Variants in CCDC30 observed in about 807,000 individuals in gnomAD.
CCDC30 encodes the protein coiled-coil domain containing 30.
CCDC30 carries 70 observed loss-of-function variants against 100.2 expected under a neutral mutation model. The observed-to-expected ratio is 0.70, with a 90% CI of 0.58 to 0.85. CCDC30 has a LOEUF of 0.85. CCDC30 is among the 40% of genes least tolerant of loss of function. The probability of loss-of-function intolerance (pLI) is 0.00; values close to 1 mark genes in which losing one functional copy is unlikely to be tolerated. For missense variants in CCDC30, 652 were observed against 771.2 expected, an observed-to-expected ratio of 0.85 and a Z score of 1.83; for synonymous variants, 233 against 269.5, an observed-to-expected ratio of 0.86 and a Z score of 1.33.
intron 10 of CCDC30, among the ~76,000 whole-genome samples, chr1:42,603,477 A>G (rs1646444559): frequency 6.6e-6 from 1 of 152,236 alleles, no homozygotes; most frequent in Non-Finnish European, 1.5e-5. Flanking sequence ...ACAAAATCCA[A>G]CATCCATTCA....
intron 6 of CCDC30, among the ~76,000 whole-genome samples, chr1:42,504,756 T>C (rs1294942387): frequency 6.6e-6 from 1 of 152,208 alleles, no homozygotes; most frequent in African/African-American, 2.4e-5. Context: ...GTTTATGACA[T>C]GTTTAAACTT....
Position 42,517,349 on chromosome 1 carries a change from G to A in CCDC30, c.456+18433G>A, listed in dbSNP as rs150007055. On this transcript the variant is annotated intron_variant, in intron 6 of 16. Coordinates refer to ENST00000668663, the Ensembl canonical transcript of CCDC30. ...CCTCCCACCTTGGCCTCCCAAAGTG[G>A]TAGGATTACAGGTGTGAGCCACCAC... Among the ~76,000 whole-genome samples, 72 of 152,276 alleles carry A rather than the reference G, an allele frequency of 4.7e-4. 1 individual carries two copies. In the East Asian group the frequency reaches 6.0e-3, roughly 13 times the overall value.
At chr1:42,650,968 T>C (rs1275260388) in intron 15 of CCDC30, among the ~76,000 whole-genome samples, 2 of 152,046 alleles carry the variant, frequency 1.3e-5, no homozygotes, top group Non-Finnish European at 2.9e-5. Context: ...AAAATGACAT[T>C]GAGAAAAGGA....
At chr1:42,604,661 G>T (rs1324793529) in intron 10 of CCDC30, among the ~76,000 whole-genome samples, 3 of 152,144 alleles carry the variant, frequency 2.0e-5, no homozygotes, top group Admixed American at 1.3e-4. Flanking sequence ...TCACTGTACT[G>T]CTGTTCGCCA....
At position 42,556,152 on chromosome 1, in the gene CCDC30, C is replaced by T; in HGVS notation, c.457-10144C>T. ...ATAGATTTTATTCTTATATTTGCACCAAGTCCCAAATTAGGAGAAAGAAAG... is the reference window on the plus strand; with the variant it reads ...ATAGATTTTATTCTTATATTTGCACTAAGTCCCAAATTAGGAGAAAGAAAG... On this transcript the variant is annotated intron_variant, in intron 6 of 16. Transcript: ENST00000668663. 1 of 1,602,910 alleles carries T rather than the reference C, an allele frequency of 6.2e-7. No individual in the cohort carries two copies. Among genetic ancestry groups the T allele is most frequent in the Non-Finnish European group, 8.5e-7 (1 of 1,176,962 alleles).
chr1:42,508,642 TG>T (rs1365005320), intron 6 of CCDC30, among the ~76,000 whole-genome samples: 2 of 152,166 alleles, frequency 1.3e-5, no homozygotes, highest in African/African-American at 2.4e-5. Flanking sequence ...TGGGGTTTCA[TG>T]AGGGAAACAG....
chr1:42,625,805 A>G (rs868635960), intron 11 of CCDC30, among the ~76,000 whole-genome samples: 2 of 152,104 alleles, frequency 1.3e-5, no homozygotes, highest in Non-Finnish European at 1.5e-5. Context: ...ACATATACTG[A>G]GGAGAAGAAG....
intron 6 of CCDC30, among the ~76,000 whole-genome samples, chr1:42,540,203 TC>T (rs1644984863): frequency 6.6e-6 from 1 of 152,194 alleles, no homozygotes; most frequent in Non-Finnish European, 1.5e-5. Context: ...TGTGTAGTTA[TC>T]CCAGAAAATC....
At chr1:42,545,642 A>G in intron 6 of CCDC30, 63 bp downstream of exon 9, 2 of 1,447,468 alleles carry the variant, frequency 1.4e-6, no homozygotes. Context: ...ATTTGGCTTG[A>G]TCATTATAAG....
At chr1:42,478,881 T>C (rs1038185020) in intron 1 of CCDC30, among the ~76,000 whole-genome samples, 3 of 152,212 alleles carry the variant, frequency 2.0e-5, no homozygotes, top group Non-Finnish European at 2.9e-5. Flanking sequence ...AATATTTTGT[T>C]TTAGCTAATG....
chr1:42,584,420 A>G lies in CCDC30; in HGVS notation c.1001+2906A>G, dbSNP rs533182550. On this transcript the variant is annotated intron_variant, in intron 9 of 16. Coordinates refer to ENST00000668663, the Ensembl canonical transcript of CCDC30. ...AGCCTGGCCAACATAGTGAAATCCC[A>G]TCTTTACTTAAAAATACAAAAATTA... is the stretch of plus-strand genomic sequence containing the variant. Among the ~76,000 whole-genome samples, 8 of 152,202 alleles carry G rather than the reference A, an allele frequency of 5.3e-5. No individual in the cohort carries two copies. In the South Asian group the frequency reaches 1.2e-3, roughly 24 times the overall value.
intron 6 of CCDC30, 25 bp from the exon 9 acceptor site, chr1:42,545,385 A>G (rs953611257): frequency 1.3e-6 from 2 of 1,536,640 alleles, no homozygotes; most frequent in African/African-American, 2.8e-5. Context: ...AAAATAGAAT[A>G]TTTGTCTTTC....
chr1:42,615,390 C>T (rs1646706762), intron 11 of CCDC30, among the ~76,000 whole-genome samples: 2 of 152,226 alleles, frequency 1.3e-5, no homozygotes, highest in Middle Eastern at 3.4e-3. Flanking sequence ...CTCTACCTCC[C>T]AGGCTCAAGC....
intron 10 of CCDC30, among the ~76,000 whole-genome samples, chr1:42,597,101 T>C (rs1389242202): frequency 6.6e-6 from 1 of 151,816 alleles, no homozygotes; most frequent in Non-Finnish European, 1.5e-5. Flanking sequence ...TCTACAAAAC[T>C]GAAAAGCAAA....
At chr1:42,579,953 T>A (rs1440713336) in intron 8 of CCDC30, among the ~76,000 whole-genome samples, 1 of 134,182 alleles carries the variant, frequency 7.5e-6, no homozygotes, top group African/African-American at 3.0e-5. Context: ...AAAAAAAACC[T>A]CTCATATATT....
chr1:42,545,695 C>A (rs1645114639), intron 6 of CCDC30, 116 bp downstream of exon 9: 2 of 869,440 alleles, frequency 2.3e-6, no homozygotes, highest in East Asian at 6.4e-5. Flanking sequence ...GTCTGTAATC[C>A]CAGCACTTCG....
At chr1:42,657,134 G>T (rs545422483), downstream of CCDC30, among the ~76,000 whole-genome samples, 4 of 152,284 alleles carry the variant, frequency 2.6e-5, no homozygotes, top group Non-Finnish European at 5.9e-5. Flanking sequence ...CTAGAAAGAT[G>T]ATCATAGGAA....
intron 7 of CCDC30, among the ~76,000 whole-genome samples, chr1:42,566,739 C>G (rs1645614141): frequency 6.6e-6 from 1 of 152,044 alleles, no homozygotes; most frequent in Non-Finnish European, 1.5e-5. Flanking sequence ...CTTCAGTGAC[C>G]CGAGCCCTAA....
chr1:42,636,858 C>T (rs1157625703), intron 11 of CCDC30, among the ~76,000 whole-genome samples: 19 of 144,008 alleles, frequency 1.3e-4, no homozygotes, highest in African/African-American at 4.6e-4. Flanking sequence ...CCCAGCTACT[C>T]GGGAGGCTGA....
Sources: gnomAD v4.1 joint callset for allele counts (sites outside exome capture counted in the v4.1 genomes callset) on GRCh38, gnomAD v4.1.1 for gene constraint, MANE v1.5 for transcripts, NCBI Gene and HGNC (gene_info 2026-07-23, HGNC 2026-07-21) for gene names.